WDR70: variants seen among roughly 807,000 people sequenced by gnomAD.
WDR70 encodes WD repeat domain 70, also known as WD repeat-containing protein 70.
WDR70 carries 53 observed loss-of-function variants against 88.6 expected under a neutral mutation model. The ratio of observed to expected loss-of-function variants is 0.60; its 90% CI spans 0.48 to 0.75. WDR70 has a LOEUF of 0.75. Among genes scored for constraint, WDR70 ranks in the 30% least tolerant of loss-of-function variants. The pLI, the probability that WDR70 is intolerant of heterozygous loss-of-function variation, is 0.00. For synonymous variants in WDR70, 280 were observed against 270.0 expected, an observed-to-expected ratio of 1.04 and a Z score of -0.36; for missense variants, 610 against 823.2, an observed-to-expected ratio of 0.74 and a Z score of 3.17.
intron 10 of WDR70, among the ~76,000 whole-genome samples, chr5:37,608,329 C>A (rs1744094178): frequency 6.6e-6 from 1 of 151,784 alleles, no homozygotes; most frequent in African/African-American, 2.4e-5. Context: ...CGTGAGCCAC[C>A]ACGCCTGGCC....
At chr5:37,502,338 G>A (rs554911802) in intron 8 of WDR70, among the ~76,000 whole-genome samples, 9 of 152,178 alleles carry the variant, frequency 5.9e-5, no homozygotes, top group African/African-American at 2.2e-4. Flanking sequence ...GTAAAAGTGG[G>A]CAACTTGGTC....
At chr5:37,443,981 T>G (rs1738377130) in intron 7 of WDR70, among the ~76,000 whole-genome samples, 1 of 151,578 alleles carries the variant, frequency 6.6e-6, no homozygotes, top group Non-Finnish European at 1.5e-5. Context: ...AAACTCTATC[T>G]CTACTAAAAA....
chr5:37,472,848 A>C (rs1158965932), intron 7 of WDR70, among the ~76,000 whole-genome samples: 2 of 152,070 alleles, frequency 1.3e-5, no homozygotes, highest in Non-Finnish European at 2.9e-5. Flanking sequence ...TAATGAATAA[A>C]GCTGCTTTGA....
chr5:37,535,277 A>G (rs1005303725), intron 9 of WDR70, among the ~76,000 whole-genome samples: 3 of 152,086 alleles, frequency 2.0e-5, no homozygotes, highest in Non-Finnish European at 4.4e-5. Flanking sequence ...CCACAGGGAA[A>G]GAACTTTTCC....
At chr5:37,732,036 C>T (rs1180937743) in intron 17 of WDR70, among the ~76,000 whole-genome samples, 2 of 152,068 alleles carry the variant, frequency 1.3e-5, no homozygotes, top group African/African-American at 4.8e-5. Flanking sequence ...ATGTGGTTTT[C>T]ATGTCTGAGA....
chr5:37,606,029 A>G (rs1744022335), intron 10 of WDR70, among the ~76,000 whole-genome samples: 1 of 152,184 alleles, frequency 6.6e-6, no homozygotes, highest in Non-Finnish European at 1.5e-5. Flanking sequence ...CATACTATAA[A>G]CTAGGCACTG....
rs1187436953 is a variant in WDR70 at position 37,707,921 on chromosome 5, G to GAAAA, written c.1416+4859_1416+4862dup. 6.6e-4 allele frequency among the ~76,000 whole-genome samples: 10 copies of GAAAA among 15,144 alleles called. 2 individuals carry two copies. Among genetic ancestry groups the GAAAA allele is most frequent in the African/African-American group, 1.1e-3 (6 of 5,522 alleles). The allele number at this position is 15,144 out of a possible 152,430, so 9.9% of individuals were successfully genotyped here. A position where few individuals can be genotyped will look rare whatever the true frequency, so the allele number is the denominator to read the frequency against. ...AGGGTGAGACTCTGTCTCAAAAAAA[G>GAAAA]AAAAAAAAAAAAAAAAAAAAAAAAA... On this transcript the variant is annotated intron_variant, in intron 13 of 17. Coordinates refer to ENST00000265107, the MANE Select transcript of WDR70 (RefSeq NM_018034.4).
chr5:37,429,942 A>G (rs1750251954), intron 5 of WDR70, among the ~76,000 whole-genome samples: 1 of 152,222 alleles, frequency 6.6e-6, no homozygotes, highest in Admixed American at 6.5e-5. Flanking sequence ...TGAGAGCCTT[A>G]CTTTCCTAAC....
chr5:37,521,738 ACACC>A (rs1381270017), intron 9 of WDR70, among the ~76,000 whole-genome samples: 3 of 136,110 alleles, frequency 2.2e-5, no homozygotes, highest in African/African-American at 8.7e-5. Context: ...ACACACACAC[ACACC>A]CACATGTTCT....
chr5:37,551,313 C>T (rs576691639), intron 9 of WDR70, among the ~76,000 whole-genome samples: 14 of 149,598 alleles, frequency 9.4e-5, no homozygotes, highest in South Asian at 4.3e-4. Context: ...TCCCCCCCTC[C>T]GCAAAAAAAA....
chr5:37,694,770 A>C (rs540959420), intron 10 of WDR70, among the ~76,000 whole-genome samples: 1 of 152,052 alleles, frequency 6.6e-6, no homozygotes, highest in Non-Finnish European at 1.5e-5. Context: ...GGGTGCAGCA[A>C]ACCACCATGG....
In WDR70 at chr5:37,443,350, C is replaced by T. The variant is rs2112054660; in HGVS notation, c.664C>T (p.Arg222Ter). ...AGMDASFKAF[R>*]SLQPCECHQI... ...AATGGATGCTTCTTTTAAGGCATTT[C>T]GATCCCTTCAGCCCTGTGAGTGGTA... Residue 222 changes from arginine (R) to a stop codon, truncating the protein, a stop_gained, in exon 7 of 18, where the codon CGA becomes TGA. Coordinates refer to ENST00000265107, the MANE Select transcript of WDR70 (RefSeq NM_018034.4). LOFTEE classifies it high-confidence loss of function. 3 of 1,613,842 alleles carry T rather than the reference C, an allele frequency of 1.9e-6. No individual in the cohort carries two copies. Among genetic ancestry groups the T allele is most frequent in the Admixed American group, 1.7e-5 (1 of 60,004 alleles).
At chr5:37,688,664 T>C (rs1230045936) in intron 10 of WDR70, among the ~76,000 whole-genome samples, 1 of 129,430 alleles carries the variant, frequency 7.7e-6, no homozygotes, top group African/African-American at 2.6e-5. Flanking sequence ...ATATTCCCAG[T>C]CTGTTCACAT....
intron 10 of WDR70, among the ~76,000 whole-genome samples, chr5:37,689,705 G>C (rs1746725818): frequency 6.6e-6 from 1 of 152,126 alleles, no homozygotes; most frequent in African/African-American, 2.4e-5. Flanking sequence ...CCCATCTGTA[G>C]GTCACCAACA....
At chr5:37,610,464 A>T (rs1744161301) in intron 10 of WDR70, among the ~76,000 whole-genome samples, 2 of 151,222 alleles carry the variant, frequency 1.3e-5, no homozygotes, top group Non-Finnish European at 2.9e-5. Context: ...TTGGTTTATT[A>T]TTATTTTATT....
At chr5:37,504,969 A>G (rs1740516364) in intron 8 of WDR70, among the ~76,000 whole-genome samples, 1 of 152,188 alleles carries the variant, frequency 6.6e-6, no homozygotes, top group South Asian at 2.1e-4. Flanking sequence ...ATTGGGCTGA[A>G]ATTTGTTTTA....
intron 6 of WDR70, among the ~76,000 whole-genome samples, chr5:37,438,751 A>G (rs959343868): frequency 1.3e-5 from 2 of 152,146 alleles, no homozygotes; most frequent in Non-Finnish European, 2.9e-5. Flanking sequence ...TTCTTTTGAA[A>G]ATATTGTTTT....
chr5:37,488,078 T>C (rs1400440650), intron 8 of WDR70, among the ~76,000 whole-genome samples: 1 of 75,438 alleles, frequency 1.3e-5, no homozygotes, highest in Non-Finnish European at 3.1e-5. Flanking sequence ...CTTGGGTGGC[T>C]TTTTTTTTTT....
chr5:37,584,692 C>T (rs758029055), intron 9 of WDR70, among the ~76,000 whole-genome samples: 3 of 151,974 alleles, frequency 2.0e-5, no homozygotes, highest in Non-Finnish European at 4.4e-5. Context: ...TTATGTTAAA[C>T]TTTAGCAGTT....
Sources: gnomAD v4.1 joint callset for allele counts (sites outside exome capture counted in the v4.1 genomes callset) on GRCh38, gnomAD v4.1.1 for gene constraint, MANE v1.5 for transcripts, NCBI Gene and HGNC (gene_info 2026-07-23, HGNC 2026-07-21) for gene names.